Variants in RBM47 observed in about 807,000 individuals in gnomAD.
RBM47 encodes RNA-binding protein 47.
RBM47 carries 21 observed loss-of-function variants against 47.1 expected under a neutral mutation model. The ratio of observed to expected loss-of-function variants is 0.45; its 90% CI spans 0.32 to 0.64. The LOEUF (loss-of-function observed/expected upper bound fraction) is 0.64, where lower values mean the gene tolerates loss of function less well. Among genes scored for constraint, RBM47 ranks in the 30% least tolerant of loss-of-function variants. RBM47 has a pLI of 0.05. For synonymous variants in RBM47, 375 were observed against 361.7 expected (o/e 1.04, Z -0.42); for missense variants, 708 against 870.9 (o/e 0.81, Z 2.35).
In RBM47 at chr4:40,602,913, G is replaced by A. The variant is rs139516568; in HGVS notation, c.-240+26483C>T. ...GTTAAGAGAGTACCCCAGGCCAGGTGTGATGGTCCACCATGCCTGTAATCC... is the reference window on the plus strand; with the variant it reads ...GTTAAGAGAGTACCCCAGGCCAGGTATGATGGTCCACCATGCCTGTAATCC... On this transcript the variant is annotated intron_variant, in intron 1 of 6. Transcript: ENST00000295971. 3.9e-3 allele frequency among the ~76,000 whole-genome samples: 601 copies of A among 152,206 alleles called. 4 individuals carry two copies. Among genetic ancestry groups the A allele is most frequent in the African/African-American group, 0.014 (579 of 41,520 alleles).
chr4:40,520,314 T>C (rs1474535410), intron 2 of RBM47, among the ~76,000 whole-genome samples: 1 of 152,180 alleles, frequency 6.6e-6, no homozygotes, highest in African/African-American at 2.4e-5. Context: ...CCTCCAGCCA[T>C]GTGATTCTAA....
At chr4:40,462,818 A>G (rs1717366241) in intron 3 of RBM47, among the ~76,000 whole-genome samples, 1 of 152,202 alleles carries the variant, frequency 6.6e-6, no homozygotes, top group Non-Finnish European at 1.5e-5. Context: ...TAGATCAAAG[A>G]CCTAAATGTA....
intron 2 of RBM47, among the ~76,000 whole-genome samples, chr4:40,487,014 C>CT (rs1451741563): frequency 6.6e-6 from 1 of 152,170 alleles, no homozygotes; most frequent in Non-Finnish European, 1.5e-5. Flanking sequence ...GCCAGTATTT[C>CT]TTTAAGACTT....
At chr4:40,509,806 C>T (rs1289104560) in intron 2 of RBM47, among the ~76,000 whole-genome samples, 1 of 151,904 alleles carries the variant, frequency 6.6e-6, no homozygotes, top group African/African-American at 2.4e-5. Flanking sequence ...TGGTGTGAGC[C>T]CGGGAGGCGG....
rs1177127352 is a variant in RBM47, at chr4:40,535,371, C to CTTTTTT, written c.-155+9045_-155+9050dup. ...TTCATACCAGCCTGGTATGGTATTT[C>CTTTTTT]TTTTTTTTTTTTTTTTTTTGAGACG... On this transcript the variant is annotated intron_variant, in intron 2 of 6. Transcript: ENST00000295971. Among the ~76,000 whole-genome samples, 94 of 103,424 alleles carry CTTTTTT rather than the reference C, an allele frequency of 9.1e-4. 5 individuals carry two copies. The highest frequency in any genetic ancestry group is 3.2e-3 in the African/African-American group (73 of 23,088). 67.9% of individuals were successfully genotyped at this position (103,424 alleles called of 152,430 possible). A position where few individuals can be genotyped will look rare whatever the true frequency, so the allele number is the denominator to read the frequency against.
chr4:40,588,992 CTTTTTTTTTTTT>C (rs34195998), intron 1 of RBM47, among the ~76,000 whole-genome samples: 1 of 79,448 alleles, frequency 1.3e-5, no homozygotes, highest in Non-Finnish European at 2.5e-5. Flanking sequence ...TAAAGCGTTT[CTTTTTTTTTTTT>C]TTTTTTTTTT....
chr4:40,476,342 C>T (rs907447557), intron 2 of RBM47, among the ~76,000 whole-genome samples: 3 of 151,888 alleles, frequency 2.0e-5, no homozygotes, highest in African/African-American at 7.3e-5. Flanking sequence ...TGGTTAAGTA[C>T]CCTGTGTCTA....
chr4:40,551,868 C>A (rs1199075238), intron 1 of RBM47, among the ~76,000 whole-genome samples: 3 of 151,780 alleles, frequency 2.0e-5, no homozygotes, highest in Non-Finnish European at 4.4e-5. Flanking sequence ...AGGCTAGTCT[C>A]GAACTCTTGA....
At chr4:40,505,196 G>GA (rs949201721) in intron 2 of RBM47, among the ~76,000 whole-genome samples, 7 of 151,138 alleles carry the variant, frequency 4.6e-5, no homozygotes, top group African/African-American at 1.2e-4. Context: ...TGTCTAAAAA[G>GA]AAAAAAAACA....
At chr4:40,506,336 C>T (rs115745075) in intron 2 of RBM47, among the ~76,000 whole-genome samples, 5,514 of 152,228 alleles carry the variant, frequency 0.036, 144 homozygotes, top group Non-Finnish European at 0.055. Flanking sequence ...AGTAAGAGTC[C>T]GGTTCCGTTC....
intron 2 of RBM47, among the ~76,000 whole-genome samples, chr4:40,537,729 A>T (rs1219408816): frequency 1.3e-5 from 2 of 152,182 alleles, no homozygotes; most frequent in African/African-American, 2.4e-5. Context: ...TCTCAGCAAC[A>T]TCTTAGCTTT....
chr4:40,619,076 T>C (rs1189954999), intron 1 of RBM47, among the ~76,000 whole-genome samples: 1 of 151,960 alleles, frequency 6.6e-6, no homozygotes, highest in Non-Finnish European at 1.5e-5. Flanking sequence ...GGCAGGTAGA[T>C]ACACAGAAGA....
At chr4:40,438,958 C>T (rs1176191841) in intron 3 of RBM47, 34 bp from the exon 4 acceptor site, 2 of 1,449,284 alleles carry the variant, frequency 1.4e-6, no homozygotes, top group Admixed American at 2.5e-5. Context: ...AGTGGGGAAC[C>T]GCTGGATCTT....
intron 2 of RBM47, among the ~76,000 whole-genome samples, chr4:40,501,069 TA>T (rs1224761219): frequency 1.3e-5 from 2 of 151,852 alleles, no homozygotes; most frequent in Non-Finnish European, 2.9e-5. Flanking sequence ...AACAGCAATA[TA>T]AAACAAGCGA....
chr4:40,559,624 C>G (rs1046702714), intron 1 of RBM47, among the ~76,000 whole-genome samples: 9 of 152,052 alleles, frequency 5.9e-5, no homozygotes, highest in African/African-American at 2.2e-4. Context: ...TAGAGAAAAT[C>G]TTGATTCAGC....
intron 1 of RBM47, among the ~76,000 whole-genome samples, chr4:40,566,516 G>A (rs1187600807): frequency 2.0e-5 from 3 of 151,974 alleles, no homozygotes; most frequent in Non-Finnish European, 4.4e-5. Flanking sequence ...ATGGTGGCGC[G>A]TGCCTGTAAT....
intron 3 of RBM47, among the ~76,000 whole-genome samples, chr4:40,445,070 T>A (rs923371410): frequency 6.6e-6 from 1 of 151,774 alleles, no homozygotes; most frequent in African/African-American, 2.4e-5. Context: ...GTCAGGAGAT[T>A]GAGACCATCC....
intron 1 of RBM47, among the ~76,000 whole-genome samples, chr4:40,594,323 C>T (rs1734559169): frequency 6.6e-6 from 1 of 152,146 alleles, no homozygotes; most frequent in Non-Finnish European, 1.5e-5. Flanking sequence ...ACAGCATGTT[C>T]CAGTGTCTTT....
intron 3 of RBM47, among the ~76,000 whole-genome samples, chr4:40,461,592 G>A (rs1717147758): frequency 6.6e-6 from 1 of 152,168 alleles, no homozygotes; most frequent in Admixed American, 6.5e-5. Context: ...GGGATGGGCT[G>A]GATTTCAGTT....
Sources: gnomAD v4.1 joint callset for allele counts (sites outside exome capture counted in the v4.1 genomes callset) on GRCh38, gnomAD v4.1.1 for gene constraint, MANE v1.5 for transcripts, NCBI Gene and HGNC (gene_info 2026-07-23, HGNC 2026-07-21) for gene names.